Variants in SLC7A2 observed in about 807,000 individuals in gnomAD.
The protein encoded by SLC7A2 is solute carrier family 7 member 2, also known as cationic amino acid transporter 2.
Under a neutral mutation model 58.9 loss-of-function variants are expected in SLC7A2, and 48 were observed. The ratio of observed to expected loss-of-function variants is 0.82; its 90% confidence interval spans 0.65 to 1.04. The LOEUF (loss-of-function observed/expected upper bound fraction) is 1.04. SLC7A2 is among the 50% of genes least tolerant of loss of function. The pLI, the probability that SLC7A2 is intolerant of heterozygous loss-of-function variation, is 0.00. For missense variants in SLC7A2, 1,029 were observed against 818.8 expected, an observed-to-expected ratio of 1.26 and a Z score of -3.13; for synonymous variants, 363 against 314.5, an observed-to-expected ratio of 1.15 and a Z score of -1.63.
chr8:17,553,618 A>G (rs1236727267), intron 7 of SLC7A2, among the ~76,000 whole-genome samples: 2 of 152,150 alleles, frequency 1.3e-5, no homozygotes, highest in Non-Finnish European at 1.5e-5. Flanking sequence ...AAAAAATTCA[A>G]GAAATTAGCT....
chr8:17,564,548 G>C (rs763843125), intron 12 of SLC7A2, among the ~76,000 whole-genome samples: 5 of 152,128 alleles, frequency 3.3e-5, no homozygotes, highest in Non-Finnish European at 5.9e-5. Context: ...GACAGGGTGG[G>C]GGATGGTTTG....
chr8:17,536,688 A>G (rs1801680829), intron 2 of SLC7A2, among the ~76,000 whole-genome samples: 1 of 152,254 alleles, frequency 6.6e-6, no homozygotes, highest in Non-Finnish European at 1.5e-5. Context: ...AATTAGAGTT[A>G]TTCTATCACG....
intron 4 of SLC7A2, among the ~76,000 whole-genome samples, chr8:17,545,553 G>A (rs1236227180): frequency 6.6e-5 from 10 of 151,496 alleles, no homozygotes; most frequent in South Asian, 2.1e-4. Context: ...GCGCGCCACC[G>A]CACCTGGCTG....
intron 1 of SLC7A2, among the ~76,000 whole-genome samples, chr8:17,501,784 G>T (rs1396914484): frequency 2.6e-5 from 4 of 151,680 alleles, no homozygotes; most frequent in Non-Finnish European, 5.9e-5. Context: ...GCACTGCTGC[G>T]TACTAGCCCC....
At chr8:17,495,141 TC>T (rs1280181400), upstream of SLC7A2, among the ~76,000 whole-genome samples, 4 of 152,242 alleles carry the variant, frequency 2.6e-5, no homozygotes, top group Admixed American at 6.5e-5. Flanking sequence ...TTTTATTTTT[TC>T]TTTCTTTATT....
chr8:17,495,886 TC>T (rs1799945079), upstream of SLC7A2, among the ~76,000 whole-genome samples: 1 of 152,208 alleles, frequency 6.6e-6, no homozygotes, highest in Non-Finnish European at 1.5e-5. Flanking sequence ...ATGGATGGCT[TC>T]CTGAGATACA....
rs1802393552 is a variant in SLC7A2 at position 17,550,432 on chromosome 8, C to G, written c.830C>G (p.Thr277Ser). The change falls in exon 6 of 13, where the codon ACT becomes AGT. Residue 277 changes from threonine to serine, a missense_variant and splice_region_variant. By Grantham distance (58) the Thr-to-Ser change is moderately conservative. Coordinates refer to ENST00000494857, the MANE Select transcript of SLC7A2 (RefSeq NM_001370338.1). ...GTGGGATTTGACTGCATTGCAACAA[C>G]TGGTAAGAGCAGTGTCTTGGCTCAG... ...AFVGFDCIAT[T>S]GEEVRNPQKA... 6.2e-7 allele frequency: 1 copy of G among 1,612,900 alleles called. No homozygotes were observed. Among genetic ancestry groups the G allele is most frequent in the Non-Finnish European group, 8.5e-7 (1 of 1,179,460 alleles).
At position 17,546,057 on chromosome 8, in the gene SLC7A2, C is replaced by T. The variant is rs2299567; in HGVS notation, c.532+1451C>T. Among the ~76,000 whole-genome samples the T allele has an allele frequency of 5.2e-3, 791 of 152,162 alleles. 18 individuals carry two copies. The East Asian group carries it at 0.078, about 15-fold the overall frequency. The stretch of plus-strand genomic sequence containing the variant: ...GAGTCTAATGTCAAGAGAAGTTGCA[C>T]CAATTGTTTTTCAACAAAGAATTGA... On this transcript the variant is annotated intron_variant, in intron 4 of 12. Transcript: ENST00000494857.
chr8:17,495,362 G>A (rs1442494909), upstream of SLC7A2, among the ~76,000 whole-genome samples: 3 of 152,130 alleles, frequency 2.0e-5, no homozygotes, highest in Non-Finnish European at 4.4e-5. Flanking sequence ...GTGGGATTGA[G>A]GAGGAATCTG....
chr8:17,531,478 G>A (rs1801448428), intron 2 of SLC7A2, among the ~76,000 whole-genome samples: 1 of 152,070 alleles, frequency 6.6e-6, no homozygotes, highest in African/African-American at 2.4e-5. Context: ...TGCTTAGATT[G>A]CAGGGTGTCT....
In SLC7A2 at chr8:17,544,531, T is replaced by C; in HGVS notation, c.457T>C (p.Tyr153His). The C allele has an allele frequency of 6.2e-7, 1 of 1,614,042 alleles. No homozygotes were observed. The highest frequency in any genetic ancestry group is 1.1e-5 in the South Asian group (1 of 91,078). ...ACAGATTGGTCAGTTTTTGAGGACATACTTCAGAATGAATTACACTGGTCT... is the reference window on the plus strand; with the variant it reads ...ACAGATTGGTCAGTTTTTGAGGACACACTTCAGAATGAATTACACTGGTCT... The part of the protein sequence containing the change: ...SKQIGQFLRT[Y>H]FRMNYTGLAE... The change falls in exon 4 of 13, where the codon TAC (tyrosine) becomes CAC (histidine). Residue 153 changes from tyrosine to histidine, a missense_variant. Coordinates refer to ENST00000494857, the MANE Select transcript of SLC7A2 (RefSeq NM_001370338.1).
At chr8:17,548,636 T>C (rs1392058413) in intron 4 of SLC7A2, 42 bp from the exon 5 acceptor site, 1 of 1,491,674 alleles carries the variant, frequency 6.7e-7, no homozygotes, top group East Asian at 2.3e-5. Context: ...GCTATTGCCT[T>C]TCCTAAAGCT....
Position 17,560,509 on chromosome 8 carries a change from G to A in SLC7A2, c.1480G>A (p.Val494Met), listed in dbSNP as rs369646330. Residue 494 changes from valine (V) to methionine (M), a missense_variant, in exon 10 of 13, where the codon GTG (valine) becomes ATG (methionine). Transcript: ENST00000494857. ...GCCAACACAGCAGTCAGCTTCTCTC[G>A]TGAGCTTTCTGGTAGGATTCCTAGG... ...LLPTQQSASL[V>M]SFLVGFLAFL... is the part of the protein sequence containing the mutation. 126 of 1,613,754 alleles carry A rather than the reference G, an allele frequency of 7.8e-5. No individual in the cohort carries two copies. In the South Asian group the frequency reaches 1.0e-3, roughly 13 times the overall value.
intron 8 of SLC7A2, 42 bp from the exon 9 acceptor site, chr8:17,558,253 T>C (rs1375702529): frequency 2.3e-6 from 3 of 1,308,476 alleles, no homozygotes; most frequent in East Asian, 2.3e-5. Flanking sequence ...TGGAATTTCC[T>C]CCTGGGCCGT....
rs1802026728 is a variant in SLC7A2, at chr8:17,543,697, A to G, written c.358A>G (p.Ile120Val). 6 of 1,515,336 alleles carry G rather than the reference A, an allele frequency of 4.0e-6. No individual in the cohort carries two copies. The South Asian group carries it at 8.0e-5, about 20-fold the overall frequency. The allele number at this position is 1,515,336 out of a possible 1,614,324, so 93.9% of individuals were successfully genotyped here. A position where few individuals can be genotyped will look rare whatever the true frequency, so the allele number is the denominator to read the frequency against. Reference protein sequence around the residue: ...LWAFITGWNLILSYVIGTSSV... With the variant: ...LWAFITGWNLVLSYVIGTSSV... ...GGCCTTCATCACTGGCTGGAATCTC[A>G]TTTTATCGTATGTGATAGGTATGTT... Residue 120 changes from isoleucine (I) to valine (V), a missense_variant, in exon 3 of 13, where the codon ATT (isoleucine) becomes GTT (valine). By Grantham distance (29) the Ile-to-Val change is conservative. Coordinates refer to ENST00000494857, the MANE Select transcript of SLC7A2 (RefSeq NM_001370338.1).
At chr8:17,536,041 C>T (rs2588238) in intron 2 of SLC7A2, among the ~76,000 whole-genome samples, 4 of 151,704 alleles carry the variant, frequency 2.6e-5, no homozygotes, top group East Asian at 1.9e-4. Flanking sequence ...GTGCTTCCCT[C>T]GATATCCTTT....
intron 4 of SLC7A2, among the ~76,000 whole-genome samples, chr8:17,545,413 T>TC (rs1408697525): frequency 7.1e-6 from 1 of 141,578 alleles, no homozygotes; most frequent in African/African-American, 2.6e-5. Flanking sequence ...CTTTTTTTTT[T>TC]TTTTTTTTTT....
chr8:17,527,738 T>C (rs1801276449), intron 2 of SLC7A2, among the ~76,000 whole-genome samples: 1 of 152,172 alleles, frequency 6.6e-6, no homozygotes, highest in African/African-American at 2.4e-5. Flanking sequence ...ATTTTCTTCT[T>C]CTTATAAGGA....
At chr8:17,535,770 G>T (rs117302462) in intron 2 of SLC7A2, among the ~76,000 whole-genome samples, 1 of 152,118 alleles carries the variant, frequency 6.6e-6, no homozygotes, top group African/African-American at 2.4e-5. Flanking sequence ...AAGTGTGGTG[G>T]TGGGCGCCTG....
Sources: gnomAD v4.1 joint callset for allele counts (sites outside exome capture counted in the v4.1 genomes callset) on GRCh38, gnomAD v4.1.1 for gene constraint, MANE v1.5 for transcripts, NCBI Gene and HGNC (gene_info 2026-07-23, HGNC 2026-07-21) for gene names.